Variants in C1orf116 observed in about 807,000 individuals in gnomAD.
C1orf116 encodes the protein specifically androgen-regulated gene protein.
C1orf116 carries 12 observed loss-of-function variants against 14.1 expected under a neutral mutation model. The observed-to-expected ratio is 0.85, with a 90% confidence interval of 0.54 to 1.38. The LOEUF (loss-of-function observed/expected upper bound fraction) is 1.38. Among genes scored for constraint, C1orf116 ranks in the 40% most tolerant of loss-of-function variants. The pLI is 0.00. For synonymous variants in C1orf116, 296 were observed against 299.0 expected (o/e 0.99, Z 0.10); for missense variants, 797 against 747.0 (o/e 1.07, Z -0.78).
chr1:207,022,472 G>A lies in C1orf116; in HGVS notation c.1292C>T (p.Ala431Val). The change falls in exon 4 of 4, where the codon GCT becomes GTT. Residue 431 changes from alanine (A) to valine (V), a missense_variant. Physicochemically the swap from Ala to Val is moderately conservative, Grantham distance 64 (BLOSUM62 0). Transcript: ENST00000359470. Reference protein sequence around the residue: ...AQGPLPMKSPAPGNVAASKSM... With the variant: ...AQGPLPMKSPVPGNVAASKSM... ...TTTGCTAGCTGCAACATTGCCTGGAGCTGGAGACTTCATTGGCAAAGGTCC... is the reference window on the plus strand; with the variant it reads ...TTTGCTAGCTGCAACATTGCCTGGAACTGGAGACTTCATTGGCAAAGGTCC... The A allele has an allele frequency of 6.2e-7, 1 of 1,614,218 alleles. No homozygotes were observed. The highest frequency in any genetic ancestry group is 8.5e-7 in the Non-Finnish European group (1 of 1,180,022).
rs560596170 is a variant in C1orf116 at position 207,021,722 on chromosome 1, G to GC, written c.*235dup. 3.7e-4 allele frequency: 145 copies of GC among 394,754 alleles called. 2 individuals are homozygous for GC. The South Asian group carries it at 6.5e-3, about 18-fold the overall frequency. The allele number at this position is 394,754 out of a possible 1,614,324, so 24.5% of individuals were successfully genotyped here. ...AATAGCTTCAGTGATGTATCCAGCGGCCCCCCCTCCACACACACACCAAAC... is the reference window on the plus strand; with the variant it reads ...AATAGCTTCAGTGATGTATCCAGCGGCCCCCCCCTCCACACACACACCAAAC... On this transcript the variant is annotated 3_prime_UTR_variant, in exon 4 of 4. Transcript: ENST00000359470.
At chr1:207,024,425 C>T (rs11120075) in intron 3 of C1orf116, among the ~76,000 whole-genome samples, 6,899 of 152,298 alleles carry the variant, frequency 0.045, 509 homozygotes, top group African/African-American at 0.15. Context: ...TGGCTTTCCA[C>T]GCTCTCTAAC....
At chr1:207,029,341 G>A (rs1199683653) in intron 1 of C1orf116, among the ~76,000 whole-genome samples, 1 of 152,242 alleles carries the variant, frequency 6.6e-6, no homozygotes, top group Non-Finnish European at 1.5e-5. Context: ...GGGTGAGGAA[G>A]CTCTTAGGGT....
Position 207,022,499 on chromosome 1 carries a change from TGAGCTGGACCTG to T in C1orf116, c.1253_1264del (p.Pro418_Ala421del), listed in dbSNP as rs1196174440. ...TGGAGACTTCATTGGCAAAGGTCCCTGAGCTGGACCTGGAGCTGGAGCCGGAGCTTGAGCCAG... is the reference window on the plus strand; with the variant it reads ...TGGAGACTTCATTGGCAAAGGTCCCTGAGCTGGAGCCGGAGCTTGAGCCAG... On this transcript the variant is annotated inframe_deletion, in exon 4 of 4. Transcript: ENST00000359470. 1.9e-6 allele frequency: 3 copies of T among 1,614,046 alleles called. No individual in the cohort carries two copies. Among genetic ancestry groups the T allele is most frequent in the Admixed American group, 1.7e-5 (1 of 60,004 alleles).
rs1436515882 is a variant in C1orf116, at chr1:207,019,915, T to G, written c.*2043A>C. The G allele has an allele frequency of 1.3e-5, 2 of 152,194 alleles. No individual in the cohort carries two copies. Among genetic ancestry groups the G allele is most frequent in the African/African-American group, 4.8e-5 (2 of 41,442 alleles). 9.4% of individuals were successfully genotyped at this position (152,194 alleles called of 1,614,324 possible). ...TGACCTTGACCATCCTAATCACACTTGTGTGATGCCAGGGCCCCAGGTTCC... is the reference window on the plus strand; with the variant it reads ...TGACCTTGACCATCCTAATCACACTGGTGTGATGCCAGGGCCCCAGGTTCC... On this transcript the variant is annotated 3_prime_UTR_variant, in exon 4 of 4. Coordinates refer to ENST00000359470, the MANE Select transcript of C1orf116 (RefSeq NM_023938.6).
At position 207,024,997 on chromosome 1, in the gene C1orf116, A is replaced by G. The variant is rs767577337; in HGVS notation, c.173T>C (p.Ile58Thr). 5 of 1,581,794 alleles carry G rather than the reference A, an allele frequency of 3.2e-6. No individual in the cohort carries two copies. The highest frequency in any genetic ancestry group is 2.4e-5 in the East Asian group (1 of 42,168). Residue 58 changes from isoleucine (I) to threonine (T), a missense_variant, in exon 3 of 4, where the codon ATT becomes ACT. By Grantham distance (89) the Ile-to-Thr change is moderately conservative. Coordinates refer to ENST00000359470, the MANE Select transcript of C1orf116 (RefSeq NM_023938.6). ...KECLLFLEET[I>T]GSLDTEADSG... ...GTCAGCCTCCGTGTCCAGTGAGCCA[A>G]TGGTCTCCTCCAGGAAGAGCAGACA...
At chr1:207,031,268 A>T (rs1307135401) in intron 1 of C1orf116, among the ~76,000 whole-genome samples, 1 of 152,230 alleles carries the variant, frequency 6.6e-6, no homozygotes, top group East Asian at 1.9e-4. Flanking sequence ...GTGTGTGTTT[A>T]GGCAACATTA....
chr1:207,032,693 T>G lies in C1orf116; in HGVS notation c.-196A>C. The G allele has an allele frequency of 2.0e-6, 2 of 985,394 alleles. No homozygotes were observed. The highest frequency in any genetic ancestry group is 4.7e-5 in the South Asian group (1 of 21,270). 61.0% of individuals were successfully genotyped at this position (985,394 alleles called of 1,614,324 possible). A position where few individuals can be genotyped will look rare whatever the true frequency, so the allele number is the denominator to read the frequency against. The stretch of plus-strand genomic sequence containing the variant: ...CTACTGTTTTCTTCTCCTTTTGAGC[T>G]CCTCCTGACTTACCTAGATAGGTAA... On this transcript the variant is annotated 5_prime_UTR_variant, in exon 1 of 4. Transcript: ENST00000359470.
intron 3 of C1orf116, among the ~76,000 whole-genome samples, chr1:207,024,510 T>C (rs1047814201): frequency 1.3e-5 from 2 of 152,218 alleles, no homozygotes; most frequent in African/African-American, 4.8e-5. Context: ...TTGTCCTCTG[T>C]GTCACCCAGA....
intron 2 of C1orf116, among the ~76,000 whole-genome samples, chr1:207,026,166 C>T (rs1682067173): frequency 6.6e-6 from 1 of 152,134 alleles, no homozygotes; most frequent in Non-Finnish European, 1.5e-5. Context: ...TGAGACAGCT[C>T]TAAAAATATC....
intron 2 of C1orf116, among the ~76,000 whole-genome samples, chr1:207,026,031 G>T (rs1453811117): frequency 1.3e-5 from 2 of 152,164 alleles, no homozygotes. Context: ...AAAACAAAAG[G>T]GCAAATTGGA....
chr1:207,018,811 T>C lies in C1orf116; in HGVS notation c.*3147A>G, dbSNP rs1355757145. 6.6e-6 allele frequency: 1 copy of C among 152,356 alleles called. No homozygotes were observed. Among genetic ancestry groups the C allele is most frequent in the African/African-American group, 2.4e-5 (1 of 41,436 alleles). The allele number at this position is 152,356 out of a possible 1,614,324, so 9.4% of individuals were successfully genotyped here. ...TGCTTAGATTCTGCATGACTTCTCC[T>C]GTCCATCCCCTTGGCCCCCTCTCCT... On this transcript the variant is annotated 3_prime_UTR_variant, in exon 4 of 4. Transcript: ENST00000359470.
rs1040614676 is a variant in C1orf116 at position 207,021,963 on chromosome 1, C to G, written c.1801G>C (p.Glu601Gln). 1.3e-5 allele frequency: 20 copies of G among 1,524,820 alleles called. No individual in the cohort carries two copies. Among genetic ancestry groups the G allele is most frequent in the Non-Finnish European group, 1.8e-5 (20 of 1,138,376 alleles). 94.5% of individuals were successfully genotyped at this position (1,524,820 alleles called of 1,614,324 possible). A position where few individuals can be genotyped will look rare whatever the true frequency, so the allele number is the denominator to read the frequency against. Reference sequence around the variant, plus strand: ...GTCTGTACTGGTCGCAGAGTCTACTCCTTCAACAGTCCCAGCTTCTTCAGG... The same window carrying G: ...GTCTGTACTGGTCGCAGAGTCTACTGCTTCAACAGTCCCAGCTTCTTCAGG... ...EALKKLGLLKE is the reference protein window; with the variant it reads ...EALKKLGLLKQ The change falls in exon 4 of 4, where the codon GAG becomes CAG. Residue 601 changes from glutamate to glutamine, a missense_variant. Glu to Gln is a conservative substitution (Grantham distance 29, BLOSUM62 2). Transcript: ENST00000359470.
chr1:207,026,428 A>C (rs1054302754), intron 2 of C1orf116, among the ~76,000 whole-genome samples: 7 of 152,234 alleles, frequency 4.6e-5, no homozygotes, highest in Non-Finnish European at 4.4e-5. Flanking sequence ...TCCCTGTCAC[A>C]TTCTGTGTCC....
Position 207,024,745 on chromosome 1 carries a change from A to G in C1orf116, c.283+142T>C, listed in dbSNP as rs1682018875. Reference sequence around the variant, plus strand: ...CCAGGGACAAGGCTCTGTTCTAGCCAGGAGAGTGGTGAGGAGTGTGGCTAC... The same window carrying G: ...CCAGGGACAAGGCTCTGTTCTAGCCGGGAGAGTGGTGAGGAGTGTGGCTAC... On this transcript the variant is annotated intron_variant, in intron 3 of 3. Coordinates refer to ENST00000359470, the MANE Select transcript of C1orf116 (RefSeq NM_023938.6). The G allele has an allele frequency of 5.7e-6, 6 of 1,048,404 alleles. No homozygotes were observed. The South Asian group carries it at 7.6e-5, about 13-fold the overall frequency. 64.9% of individuals were successfully genotyped at this position (1,048,404 alleles called of 1,614,324 possible).
chr1:207,022,344 G>C lies in C1orf116; in HGVS notation c.1420C>G (p.Leu474Val). Residue 474 changes from leucine to valine, a missense_variant, in exon 4 of 4, where the codon CTG becomes GTG. By Grantham distance (32) the Leu-to-Val change is conservative. Coordinates refer to ENST00000359470, the MANE Select transcript of C1orf116 (RefSeq NM_023938.6). ...LTLQESNTPG[L>V]RQMNFKSNTL... ...TTGGACTTGAAGTTCATCTGTCTCA[G>C]GCCAGGGGTGTTGCTCTCCTGGAGA... is the stretch of plus-strand genomic sequence containing the variant. 1 of 1,614,030 alleles carries C rather than the reference G, an allele frequency of 6.2e-7. No individual in the cohort carries two copies. The highest frequency in any genetic ancestry group is 8.5e-7 in the Non-Finnish European group (1 of 1,179,946).
intron 1 of C1orf116, among the ~76,000 whole-genome samples, chr1:207,031,595 G>T (rs1682246135): frequency 6.6e-6 from 1 of 152,174 alleles, no homozygotes; most frequent in Non-Finnish European, 1.5e-5. Context: ...GGACCAAAGG[G>T]TTAAACCCCC....
chr1:207,022,323 A>C lies in C1orf116; in HGVS notation c.1441T>G (p.Ser481Ala). 2 of 1,613,758 alleles carry C rather than the reference A, an allele frequency of 1.2e-6. No homozygotes were observed. Among genetic ancestry groups the C allele is most frequent in the South Asian group, 1.1e-5 (1 of 91,034 alleles). The change falls in exon 4 of 4, where the codon TCC becomes GCC. Residue 481 changes from serine to alanine, a missense_variant. Coordinates refer to ENST00000359470, the MANE Select transcript of C1orf116 (RefSeq NM_023938.6). ...ACGCCTGAGCGCTCCAGAGTGTTGG[A>C]CTTGAAGTTCATCTGTCTCAGGCCA... Reference protein sequence around the residue: ...TPGLRQMNFKSNTLERSGVGL... With the variant: ...TPGLRQMNFKANTLERSGVGL...
At chr1:207,028,461 C>T (rs1382734788) in intron 1 of C1orf116, among the ~76,000 whole-genome samples, 1 of 152,242 alleles carries the variant, frequency 6.6e-6, no homozygotes, top group African/African-American at 2.4e-5. Flanking sequence ...CCATCTTTAA[C>T]TCCCTAGCCT....
Sources: allele counts gnomAD v4.1 joint callset (sites outside exome capture counted in the v4.1 genomes callset), GRCh38; gene constraint gnomAD v4.1.1; transcripts MANE v1.5; gene names NCBI Gene and HGNC (gene_info 2026-07-23, HGNC 2026-07-21).